Variants in MICU1 observed in about 807,000 individuals in gnomAD.
The protein encoded by MICU1 is calcium uptake protein 1, mitochondrial.
A neutral mutation model predicts 56.8 loss-of-function variants in MICU1; 45 were observed. That is an observed-to-expected ratio of 0.79 (90% CI 0.62 to 1.02). The LOEUF is 1.02. Among genes scored for constraint, MICU1 ranks in the 50% least tolerant of loss-of-function variants. The probability of loss-of-function intolerance (pLI) is 0.00; values close to 1 mark genes in which losing one functional copy is unlikely to be tolerated. For synonymous variants in MICU1, 186 were observed against 195.1 expected (o/e 0.95, Z 0.39); for missense variants, 504 against 587.1 (o/e 0.86, Z 1.46).
At chr10:72,456,874 TGTGTGTGTGTG>T (rs1865479184) in intron 8 of MICU1, among the ~76,000 whole-genome samples, 1 of 124,696 alleles carries the variant, frequency 8.0e-6, no homozygotes, top group African/African-American at 4.5e-5. Flanking sequence ...TGTGTGTGTG[TGTGTGTGTGTG>T]TGTGTGTGTG....
intron 1 of MICU1, among the ~76,000 whole-genome samples, chr10:72,608,742 A>T (rs897546327): frequency 7.2e-5 from 11 of 152,202 alleles, no homozygotes; most frequent in Non-Finnish European, 1.2e-4. Context: ...GTTTCTCCAT[A>T]CTTAACTGTA....
At chr10:72,502,113 G>C (rs1400219627) in intron 6 of MICU1, among the ~76,000 whole-genome samples, 1 of 150,126 alleles carries the variant, frequency 6.7e-6, no homozygotes, top group Non-Finnish European at 1.5e-5. Context: ...GCGATTTCTT[G>C]AACACCTGTG....
At chr10:72,521,713 G>A (rs566343272) in intron 5 of MICU1, among the ~76,000 whole-genome samples, 12 of 152,092 alleles carry the variant, frequency 7.9e-5, no homozygotes, top group Non-Finnish European at 1.5e-4. Flanking sequence ...GGAACACACT[G>A]GGTATCTATA....
At chr10:72,461,357 T>G (rs965384395) in intron 8 of MICU1, among the ~76,000 whole-genome samples, 11 of 152,182 alleles carry the variant, frequency 7.2e-5, no homozygotes, top group Non-Finnish European at 1.2e-4. Flanking sequence ...CACTACCTGA[T>G]CTTTAGACAG....
At chr10:72,383,432 T>G (rs1200184060) in intron 10 of MICU1, among the ~76,000 whole-genome samples, 1 of 152,188 alleles carries the variant, frequency 6.6e-6, no homozygotes, top group East Asian at 1.9e-4. Context: ...TATGTACTCT[T>G]CGCTTCTTCC....
intron 8 of MICU1, among the ~76,000 whole-genome samples, chr10:72,424,978 G>A (rs1444973387): frequency 2.0e-5 from 3 of 152,180 alleles, no homozygotes; most frequent in East Asian, 1.9e-4. Flanking sequence ...TTTCTATAGA[G>A]CTGATAAATT....
At chr10:72,379,878 G>C (rs563957240) in intron 10 of MICU1, among the ~76,000 whole-genome samples, 9 of 152,136 alleles carry the variant, frequency 5.9e-5, no homozygotes, top group African/African-American at 2.2e-4. Flanking sequence ...AGCCTAGCTG[G>C]GGTCCCCTTT....
intron 9 of MICU1, among the ~76,000 whole-genome samples, chr10:72,417,651 ATG>A (rs935502726): frequency 6.6e-6 from 1 of 152,194 alleles, no homozygotes; most frequent in Admixed American, 6.5e-5. Context: ...AATTACATTT[ATG>A]AAGTCTCAGA....
chr10:72,433,757 T>C (rs1864621209), intron 8 of MICU1, among the ~76,000 whole-genome samples: 1 of 152,236 alleles, frequency 6.6e-6, no homozygotes. Flanking sequence ...GCTTATATTC[T>C]TGGGAATCTT....
rs35703758 is a variant in MICU1, at chr10:72,616,586, TA to T, written c.-2+9423del. Among the ~76,000 whole-genome samples the T allele has an allele frequency of 9.8e-3, 947 of 96,422 alleles. 6 individuals are homozygous for T. Among genetic ancestry groups the T allele is most frequent in the Middle Eastern group, 0.016 (3 of 186 alleles). 63.3% of individuals were successfully genotyped at this position (96,422 alleles called of 152,430 possible). A position where few individuals can be genotyped will look rare whatever the true frequency, so the allele number is the denominator to read the frequency against. ...TGGGCAACAAGAGCGAAACTCCATC[TA>T]AAAAAAAAAAAAAAAAGACTCTACA... On this transcript the variant is annotated intron_variant, in intron 1 of 11. Transcript: ENST00000361114.
chr10:72,579,325 G>C (rs1840837134), intron 1 of MICU1, among the ~76,000 whole-genome samples: 1 of 152,140 alleles, frequency 6.6e-6, no homozygotes, highest in African/African-American at 2.4e-5. Flanking sequence ...GTTCCGCATA[G>C]ACACAGGCTT....
At chr10:72,561,847 C>A (rs2132465348) in intron 3 of MICU1, among the ~76,000 whole-genome samples, 1 of 152,284 alleles carries the variant, frequency 6.6e-6, no homozygotes, top group East Asian at 1.9e-4. Context: ...ACATATGAAA[C>A]CAGACAGAAG....
intron 1 of MICU1, among the ~76,000 whole-genome samples, chr10:72,617,118 C>T (rs1341421430): frequency 6.6e-6 from 1 of 152,202 alleles, no homozygotes; most frequent in Middle Eastern, 3.2e-3. Flanking sequence ...GTTACTACTT[C>T]TTCACCAGAA....
At chr10:72,436,887 T>C (rs1055178323) in intron 8 of MICU1, among the ~76,000 whole-genome samples, 1 of 152,018 alleles carries the variant, frequency 6.6e-6, no homozygotes, top group Non-Finnish European at 1.5e-5. Flanking sequence ...CCAAGAAATA[T>C]GGGACTATGT....
chr10:72,563,105 C>A, intron 2 of MICU1, 42 bp from the exon 3 acceptor site: 1 of 1,411,258 alleles, frequency 7.1e-7, no homozygotes, highest in Non-Finnish European at 9.3e-7. Context: ...CTTGAACGTC[C>A]ATCATACTAG....
chr10:72,442,806 G>A (rs1228822811), intron 8 of MICU1, among the ~76,000 whole-genome samples: 1 of 152,122 alleles, frequency 6.6e-6, no homozygotes, highest in Non-Finnish European at 1.5e-5. Flanking sequence ...CACCAGGCTA[G>A]AGTGCAGTGG....
intron 10 of MICU1, among the ~76,000 whole-genome samples, chr10:72,404,796 GAT>G (rs1186861661): frequency 6.6e-6 from 1 of 152,140 alleles, no homozygotes; most frequent in Admixed American, 6.5e-5. Context: ...GGCAAGTCCA[GAT>G]AGTTTCACTG....
intron 10 of MICU1, among the ~76,000 whole-genome samples, chr10:72,377,277 G>A (rs1172321801): frequency 1.3e-5 from 2 of 151,828 alleles, no homozygotes; most frequent in East Asian, 1.9e-4. Flanking sequence ...CTGCCATCAC[G>A]CCTGGCTAAT....
At chr10:72,515,436 T>C (rs1028166299) in intron 5 of MICU1, among the ~76,000 whole-genome samples, 19 of 152,202 alleles carry the variant, frequency 1.2e-4, no homozygotes, top group African/African-American at 4.6e-4. Context: ...AGGTGAGTTA[T>C]ATTGTAGAAT....
Sources: gnomAD v4.1 joint callset for allele counts (sites outside exome capture counted in the v4.1 genomes callset) on GRCh38, gnomAD v4.1.1 for gene constraint, MANE v1.5 for transcripts, NCBI Gene and HGNC (gene_info 2026-07-23, HGNC 2026-07-21) for gene names.